Variants in LMF1 observed in about 807,000 individuals in gnomAD.
LMF1 encodes transmembrane protein 112.
A neutral mutation model predicts 60.6 loss-of-function variants in LMF1; 68 were observed. The observed-to-expected ratio is 1.12, with a 90% CI of 0.92 to 1.37. The LOEUF (loss-of-function observed/expected upper bound fraction) is 1.37. Among genes scored for constraint, LMF1 ranks in the 40% most tolerant of loss-of-function variants. The pLI is 0.00. For missense variants in LMF1, 948 were observed against 767.2 expected, an observed-to-expected ratio of 1.24 and a Z score of -2.78; for synonymous variants, 418 against 324.7, an observed-to-expected ratio of 1.29 and a Z score of -3.09.
chr16:881,733 G>A (rs1430483816), intron 5 of LMF1, among the ~76,000 whole-genome samples: 1 of 152,228 alleles, frequency 6.6e-6, no homozygotes, highest in Non-Finnish European at 1.5e-5. Flanking sequence ...TGTGTTTGGG[G>A]TTGCGGCGAG....
In LMF1 at chr16:874,525, C is replaced by T. The variant is rs2069911820; in HGVS notation, c.898-3184G>A. On this transcript the variant is annotated intron_variant, in intron 6 of 10. Coordinates refer to ENST00000262301, the MANE Select transcript of LMF1 (RefSeq NM_022773.4). The surrounding 1 kb of genome is among the most constrained non-coding windows in gnomAD (Gnocchi z 4.1). Reference sequence around the variant, plus strand: ...GGGGTGCTGGCTGGGCGGCCGGGCTCTGCGGTCACTGCTCTTGTGCACCTC... The same window carrying T: ...GGGGTGCTGGCTGGGCGGCCGGGCTTTGCGGTCACTGCTCTTGTGCACCTC... Among the ~76,000 whole-genome samples the T allele has an allele frequency of 6.6e-6, 1 of 152,218 alleles. No individual in the cohort carries two copies. Among genetic ancestry groups the T allele is most frequent in the African/African-American group, 2.4e-5 (1 of 41,462 alleles).
chr16:869,841 G>C, intron 9 of LMF1, 42 bp downstream of exon 9: 6 of 1,584,452 alleles, frequency 3.8e-6, no homozygotes, highest in Non-Finnish European at 5.2e-6. Flanking sequence ...AAGAGGGTGG[G>C]GTACAGGCAG....
intron 10 of LMF1, among the ~76,000 whole-genome samples, chr16:864,634 C>T (rs1157017695): frequency 6.6e-6 from 1 of 151,594 alleles, no homozygotes; most frequent in South Asian, 2.1e-4. Context: ...AGGGCATAAG[C>T]TCATTATGCA....
intron 2 of LMF1, among the ~76,000 whole-genome samples, chr16:942,123 C>T (rs572880772): frequency 7.9e-5 from 12 of 152,226 alleles, no homozygotes; most frequent in East Asian, 3.9e-4. Flanking sequence ...CTCAGTTTTC[C>T]GTTATCTGAA....
At chr16:920,323 C>T (rs946410329) in intron 3 of LMF1, among the ~76,000 whole-genome samples, 12 of 152,244 alleles carry the variant, frequency 7.9e-5, no homozygotes, top group East Asian at 5.8e-4. Context: ...TGGCTCCACA[C>T]GGACGCAGGA....
rs201604468 is a variant in LMF1 at position 953,883 on chromosome 16, A to C, written c.503+474T>G. On this transcript the variant is annotated intron_variant, in intron 2 of 10. Transcript: ENST00000262301. The stretch of plus-strand genomic sequence containing the variant: ...CCTACACGTCCACACAGACACCCCA[A>C]ACCAGCCTCCTACACGTCCACACAG... Among the ~76,000 whole-genome samples, 44 of 18,196 alleles carry C rather than the reference A, an allele frequency of 2.4e-3. 4 individuals carry two copies. The highest frequency in any genetic ancestry group is 6.6e-3 in the African/African-American group (14 of 2,126). 11.9% of individuals were successfully genotyped at this position (18,196 alleles called of 152,430 possible).
At chr16:910,788 A>G (rs950995360) in intron 4 of LMF1, 143 bp downstream of exon 4, 4 of 958,270 alleles carry the variant, frequency 4.2e-6, no homozygotes, top group East Asian at 2.6e-5. Context: ...GGGGCAGAAG[A>G]GTGCGCAGCT....
In LMF1 at chr16:931,100, GAC is replaced by G. The variant is rs1218886899; in HGVS notation, c.514+3142_514+3143del. Among the ~76,000 whole-genome samples the G allele has an allele frequency of 5.3e-5, 8 of 151,786 alleles. No homozygotes were observed. In the South Asian group the frequency reaches 6.2e-4, roughly 12 times the overall value. On this transcript the variant is annotated intron_variant, in intron 3 of 10. Coordinates refer to ENST00000262301, the MANE Select transcript of LMF1 (RefSeq NM_022773.4). ...CGCACCACTGCTCTCCAGCCTGGGC[GAC>G]AGAGCGAGACTCCATCTCAAAAAAA... is the stretch of plus-strand genomic sequence containing the variant.
upstream of LMF1, among the ~76,000 whole-genome samples, chr16:971,817 G>A (rs1369815968): frequency 6.6e-6 from 1 of 152,234 alleles, no homozygotes; most frequent in Admixed American, 6.5e-5. Flanking sequence ...CTAGGGGTTA[G>A]TGAATAAACT....
chr16:938,212 C>T (rs2071998415), intron 2 of LMF1, among the ~76,000 whole-genome samples: 2 of 152,184 alleles, frequency 1.3e-5, no homozygotes, highest in South Asian at 2.1e-4. Context: ...CGCTGGGTCC[C>T]GCTGTGCAGG....
chr16:885,253 G>A (rs1225126649), intron 5 of LMF1, among the ~76,000 whole-genome samples: 1 of 152,094 alleles, frequency 6.6e-6, no homozygotes, highest in East Asian at 1.9e-4. Flanking sequence ...TTACAGCCAA[G>A]AAAGAAAATA....
Position 878,624 on chromosome 16 carries a change from C to T in LMF1, c.897+946G>A, listed in dbSNP as rs12102866. Among the ~76,000 whole-genome samples, 4,381 of 152,254 alleles carry T rather than the reference C, an allele frequency of 0.029. 206 individuals are homozygous for T. Among genetic ancestry groups the T allele is most frequent in the African/African-American group, 0.099 (4,095 of 41,510 alleles). On this transcript the variant is annotated intron_variant, in intron 6 of 10. Transcript: ENST00000262301. This position sits in a 1 kb window ranked among gnomAD's most constrained non-coding sequence, Gnocchi z 5.2. Reference sequence around the variant, plus strand: ...CAGGCACGCACCGTGAAACAGGACCCGGCCAACAACCATGGGCGCCCCCAC... The same window carrying T: ...CAGGCACGCACCGTGAAACAGGACCTGGCCAACAACCATGGGCGCCCCCAC...
At chr16:981,107 C>G (rs535276678) in intron 1 of LMF1, 1 of 386,972 alleles carries the variant, frequency 2.6e-6, no homozygotes, top group Non-Finnish European at 5.2e-6. Context: ...GGCCCGGGGT[C>G]CCCCAGCTCC....
chr16:892,917 C>T lies in LMF1; in HGVS notation c.729+90G>A, dbSNP rs1369926934. The T allele has an allele frequency of 1.9e-5, 19 of 984,754 alleles. No individual in the cohort carries two copies. In the Admixed American group the frequency reaches 3.8e-4, roughly 20 times the overall value. The allele number at this position is 984,754 out of a possible 1,614,324, so 61.0% of individuals were successfully genotyped here. On this transcript the variant is annotated intron_variant, in intron 5 of 10. Coordinates refer to ENST00000262301, the MANE Select transcript of LMF1 (RefSeq NM_022773.4). ...GGTGACCCTGTGATGCGACAGCTCA[C>T]CAGGGTGTGCAGGACTGAGCCCCGC...
At chr16:919,061 T>TG in intron 3 of LMF1, among the ~76,000 whole-genome samples, 1 of 152,086 alleles carries the variant, frequency 6.6e-6, no homozygotes, top group South Asian at 2.1e-4. Flanking sequence ...GACACCTGTG[T>TG]GGGCAGTCGG....
intron 1 of LMF1, among the ~76,000 whole-genome samples, chr16:957,702 A>T (rs1161380862): frequency 6.6e-6 from 1 of 152,212 alleles, no homozygotes; most frequent in African/African-American, 2.4e-5. Flanking sequence ...AATCAAGACC[A>T]CATCAAGACA....
intron 10 of LMF1, among the ~76,000 whole-genome samples, chr16:867,221 T>A (rs1325732359): frequency 6.6e-6 from 1 of 152,222 alleles, no homozygotes; most frequent in African/African-American, 2.4e-5. Flanking sequence ...AGTTACTGCT[T>A]TTCACACTTG....
intron 1 of LMF1, among the ~76,000 whole-genome samples, chr16:960,521 T>A (rs1198273649): frequency 5.6e-5 from 6 of 106,440 alleles, no homozygotes; most frequent in East Asian, 5.1e-4. Context: ...CCAGACACCA[T>A]CTCATGGTGA....
At chr16:940,903 T>C (rs191509835) in intron 2 of LMF1, among the ~76,000 whole-genome samples, 2 of 152,340 alleles carry the variant, frequency 1.3e-5, no homozygotes, top group African/African-American at 4.8e-5. Flanking sequence ...GATGTTAAAA[T>C]CTCCAAACAG....
Sources: allele counts gnomAD v4.1 joint callset (sites outside exome capture counted in the v4.1 genomes callset), GRCh38; gene constraint gnomAD v4.1.1; non-coding constraint Gnocchi (gnomAD v3.1); transcripts MANE v1.5; gene names NCBI Gene and HGNC (gene_info 2026-07-23, HGNC 2026-07-21).